KRIT1: variants seen among roughly 807,000 people sequenced by gnomAD.
The protein encoded by KRIT1 is krev interaction trapped protein 1.
In KRIT1, 45 loss-of-function variants were observed where a neutral mutation model predicts 95.8. The ratio of observed to expected loss-of-function variants is 0.47; its 90% CI spans 0.37 to 0.60. The LOEUF (loss-of-function observed/expected upper bound fraction) is 0.60, where lower values mean the gene tolerates loss of function less well. Ranked by LOEUF, KRIT1 falls within the 20% of genes least tolerant of loss-of-function variation. The pLI, the probability that KRIT1 is intolerant of heterozygous loss-of-function variation, is 0.00. For synonymous variants in KRIT1, 282 were observed against 278.8 expected (o/e 1.01, Z -0.11); for missense variants, 788 against 877.5 (o/e 0.90, Z 1.29).
chr7:92,232,015 T>A (rs1435635099), intron 10 of KRIT1, among the ~76,000 whole-genome samples: 2 of 152,154 alleles, frequency 1.3e-5, no homozygotes, highest in Non-Finnish European at 2.9e-5. Flanking sequence ...CACTGCAACC[T>A]CCACCTCCTG....
chr7:92,243,088 C>T (rs553880382), intron 3 of KRIT1, among the ~76,000 whole-genome samples: 5 of 152,150 alleles, frequency 3.3e-5, no homozygotes, highest in African/African-American at 9.6e-5. Flanking sequence ...CCAAAGTGCT[C>T]GGATTACAGG....
chr7:92,200,916 A>G (rs2131080578), intron 18 of KRIT1, 112 bp from the exon 19 acceptor site: 1 of 764,556 alleles, frequency 1.3e-6, no homozygotes, highest in Middle Eastern at 3.5e-4. Context: ...TCTTATCAGG[A>G]GACAGCTTGT....
intron 10 of KRIT1, among the ~76,000 whole-genome samples, chr7:92,233,988 G>A (rs986236699): frequency 2.0e-5 from 3 of 152,146 alleles, no homozygotes; most frequent in Non-Finnish European, 4.4e-5. Flanking sequence ...TTCTAATGAA[G>A]GCTTTTGAGG....
chr7:92,237,388 T>C (rs977282519), intron 6 of KRIT1, among the ~76,000 whole-genome samples: 1 of 152,146 alleles, frequency 6.6e-6, no homozygotes, highest in Non-Finnish European at 1.5e-5. Context: ...AAATCCTTTA[T>C]TGTAACCTGA....
rs1795437460 is a variant in KRIT1, at chr7:92,222,980, T to C, written c.1255-2A>G. The C allele has an allele frequency of 6.3e-7, 1 of 1,598,302 alleles. No individual in the cohort carries two copies. Among genetic ancestry groups the C allele is most frequent in the Non-Finnish European group, 8.6e-7 (1 of 1,166,654 alleles). On this transcript the variant is annotated splice_acceptor_variant, in intron 12 of 18. Coordinates refer to ENST00000394505, the MANE Select transcript of KRIT1 (RefSeq NM_194454.3). LOFTEE classifies it high-confidence loss of function. ...TCTGTATATTCGAACTTTTTCATAC[T>C]ACAAGAAACGATAACTTACGTAACG...
chr7:92,241,324 C>T (rs1431632274), intron 4 of KRIT1, among the ~76,000 whole-genome samples, 172 bp from the exon 5 acceptor site: 1 of 152,134 alleles, frequency 6.6e-6, no homozygotes, highest in South Asian at 2.1e-4. Flanking sequence ...ATGTCTGGGG[C>T]CTGGTTCTTA....
intron 17 of KRIT1, among the ~76,000 whole-genome samples, chr7:92,203,192 A>C (rs1293580246): frequency 1.3e-5 from 2 of 152,340 alleles, no homozygotes; most frequent in African/African-American, 4.8e-5. Flanking sequence ...AATGTATCCC[A>C]TGTAGTGTTT....
At chr7:92,226,062 AT>A (rs1796144036) in intron 11 of KRIT1, among the ~76,000 whole-genome samples, 1 of 152,240 alleles carries the variant, frequency 6.6e-6, no homozygotes, top group Non-Finnish European at 1.5e-5. Context: ...TGATACAGAC[AT>A]AATAAAAGTT....
At chr7:92,202,386 T>C (rs983354779) in intron 17 of KRIT1, 1 of 151,694 alleles carries the variant, frequency 6.6e-6, no homozygotes, top group African/African-American at 2.4e-5. Flanking sequence ...ACTTTCCTAA[T>C]ATAATACTGT....
chr7:92,234,998 T>C (rs1251362858), intron 8 of KRIT1, 75 bp from the exon 9 acceptor site: 7 of 758,792 alleles, frequency 9.2e-6, no homozygotes, highest in Admixed American at 3.9e-5. Context: ...ATATTTTAAA[T>C]TTTTACTTAT....
Position 92,212,328 on chromosome 7 carries a change from G to A in KRIT1, c.2025+867C>T, listed in dbSNP as rs150654297. Among the ~76,000 whole-genome samples the A allele has an allele frequency of 2.3e-4, 35 of 151,902 alleles. 1 individual carries two copies. The East Asian group carries it at 4.6e-3, about 20-fold the overall frequency. ...ATTAACCTAACAAATGTTTTAAACAGGCAACATAATCACACAGTTAAAACT... is the reference window on the plus strand; with the variant it reads ...ATTAACCTAACAAATGTTTTAAACAAGCAACATAATCACACAGTTAAAACT... On this transcript the variant is annotated intron_variant, in intron 17 of 18. Transcript: ENST00000394505.
chr7:92,243,242 T>C (rs1759670423), intron 3 of KRIT1, among the ~76,000 whole-genome samples: 1 of 152,212 alleles, frequency 6.6e-6, no homozygotes, highest in African/African-American at 2.4e-5. Flanking sequence ...GTGACTGAAT[T>C]TCAACCACAA....
At chr7:92,232,871 A>G (rs989398901) in intron 10 of KRIT1, among the ~76,000 whole-genome samples, 4 of 151,830 alleles carry the variant, frequency 2.6e-5, no homozygotes, top group African/African-American at 9.7e-5. Flanking sequence ...TTTTTTGTAT[A>G]TTTAATAGAG....
chr7:92,213,868 T>C, intron 16 of KRIT1, 24 bp downstream of exon 16: 1 of 1,411,786 alleles, frequency 7.1e-7, no homozygotes, highest in Non-Finnish European at 1.0e-6. Flanking sequence ...TAAAATGTCT[T>C]TTCATTTCTA....
intron 14 of KRIT1, among the ~76,000 whole-genome samples, chr7:92,219,534 T>C (rs2131396214): frequency 6.6e-6 from 1 of 152,356 alleles, no homozygotes; most frequent in South Asian, 2.1e-4. Flanking sequence ...ACAATGCTTT[T>C]GATTGCTTAG....
At chr7:92,245,521 A>G (rs1177879564) in intron 1 of KRIT1, 1 of 151,002 alleles carries the variant, frequency 6.6e-6, no homozygotes, top group Non-Finnish European at 1.5e-5. Flanking sequence ...AAGGACACCG[A>G]GAGGTCCCAC....
intron 2 of KRIT1, among the ~76,000 whole-genome samples, chr7:92,244,430 T>A (rs1800399035): frequency 6.6e-6 from 1 of 152,234 alleles, no homozygotes; most frequent in South Asian, 2.1e-4. Context: ...AATGTGATTT[T>A]AAAAAGACAT....
chr7:92,244,268 T>C lies in KRIT1; in HGVS notation c.-150-119A>G, dbSNP rs1319384477. ...AAAGAAAAATCAAGTAACTCTTACTTTTCTAAAGACAATTTAAAGCAAATC... is the reference window on the plus strand; with the variant it reads ...AAAGAAAAATCAAGTAACTCTTACTCTTCTAAAGACAATTTAAAGCAAATC... On this transcript the variant is annotated intron_variant, in intron 2 of 18. Transcript: ENST00000394505. 3 of 152,214 alleles carry C rather than the reference T, an allele frequency of 2.0e-5. No homozygotes were observed. In the South Asian group the frequency reaches 6.2e-4, roughly 32 times the overall value. 9.4% of individuals were successfully genotyped at this position (152,214 alleles called of 1,614,324 possible). A position where few individuals can be genotyped will look rare whatever the true frequency, so the allele number is the denominator to read the frequency against.
intron 5 of KRIT1, among the ~76,000 whole-genome samples, chr7:92,240,243 A>G (rs376403343): frequency 6.6e-6 from 1 of 152,204 alleles, no homozygotes; most frequent in South Asian, 2.1e-4. Flanking sequence ...CTCTGCAACA[A>G]AAACCATCTC....
Sources: gnomAD v4.1 joint callset for allele counts (sites outside exome capture counted in the v4.1 genomes callset) on GRCh38, gnomAD v4.1.1 for gene constraint, MANE v1.5 for transcripts, NCBI Gene and HGNC (gene_info 2026-07-23, HGNC 2026-07-21) for gene names.